SLCO1A2: variants seen among roughly 807,000 people sequenced by gnomAD.
SLCO1A2 encodes OATP-1.
A neutral mutation model predicts 69.0 loss-of-function variants in SLCO1A2; 67 were observed. That is an observed-to-expected ratio of 0.97 (90% CI 0.80 to 1.19). The LOEUF (loss-of-function observed/expected upper bound fraction) is 1.19, where lower values mean the gene tolerates loss of function less well. SLCO1A2 is among the 50% of genes most tolerant of loss of function. The pLI is 0.00. For synonymous variants in SLCO1A2, 260 were observed against 265.9 expected, an observed-to-expected ratio of 0.98 and a Z score of 0.22; for missense variants, 787 against 793.7, an observed-to-expected ratio of 0.99 and a Z score of 0.10.
rs371272831 is a variant in SLCO1A2, at chr12:21,332,392, G to T, written c.60+2196C>A. 9.2e-5 allele frequency among the ~76,000 whole-genome samples: 14 copies of T among 152,174 alleles called. 1 individual carries two copies. The highest frequency in any genetic ancestry group is 3.4e-4 in the African/African-American group (14 of 41,538). ...GTGGAGACCAAGGTTTTATCATGCA[G>T]ATAAAGCCTCTAGATACGCAGGCTT... On this transcript the variant is annotated intron_variant, in intron 2 of 14. Transcript: ENST00000683939.
upstream of SLCO1A2, among the ~76,000 whole-genome samples, chr12:21,398,090 T>A (rs1430613151): frequency 3.6e-5 from 4 of 111,830 alleles, no homozygotes; most frequent in South Asian, 1.2e-3. Context: ...CAGGAGCTGG[T>A]TTTTTGAAAG....
At chr12:21,383,417 C>T (rs1940710021) in intron 1 of SLCO1A2, among the ~76,000 whole-genome samples, 1 of 152,172 alleles carries the variant, frequency 6.6e-6, no homozygotes, top group Non-Finnish European at 1.5e-5. Context: ...TGCCTCATTA[C>T]TGCTTCCCTT....
rs1360097634 is a variant in SLCO1A2 at position 21,267,635 on chromosome 12, A to T, written c.*1913T>A. 2.6e-5 allele frequency: 4 copies of T among 151,922 alleles called. No homozygotes were observed. Among genetic ancestry groups the T allele is most frequent in the African/African-American group, 9.7e-5 (4 of 41,352 alleles). The allele number at this position is 151,922 out of a possible 1,614,324, so 9.4% of individuals were successfully genotyped here. A position where few individuals can be genotyped will look rare whatever the true frequency, so the allele number is the denominator to read the frequency against. On this transcript the variant is annotated 3_prime_UTR_variant, in exon 15 of 15. Transcript: ENST00000683939. ...TAAGTCTAACTTCCATATATATCCT[A>T]TTTGCTTCTTTTTAGCTCAGATTCC...
At chr12:21,357,471 T>C (rs1938465050) in intron 2 of SLCO1A2, among the ~76,000 whole-genome samples, 1 of 152,234 alleles carries the variant, frequency 6.6e-6, no homozygotes, top group South Asian at 2.1e-4. Context: ...TCCAGAACTG[T>C]GAAACTATAA....
chr12:21,327,387 T>G (rs778928790), intron 2 of SLCO1A2, among the ~76,000 whole-genome samples: 12 of 152,096 alleles, frequency 7.9e-5, no homozygotes, highest in Non-Finnish European at 1.8e-4. Flanking sequence ...GGTGGAGCTG[T>G]GAGAAGAGGG....
chr12:21,353,086 A>C (rs1938087242), intron 2 of SLCO1A2, among the ~76,000 whole-genome samples: 1 of 152,188 alleles, frequency 6.6e-6, no homozygotes, highest in Non-Finnish European at 1.5e-5. Context: ...TTCGAATCAG[A>C]ATTCCTTTGA....
At chr12:21,406,666 T>C (rs745640446) in intron 1 of SLCO1A2, among the ~76,000 whole-genome samples, 17 of 152,180 alleles carry the variant, frequency 1.1e-4, no homozygotes, top group Non-Finnish European at 2.2e-4. Context: ...CTTTTACAGA[T>C]AGGACACAGG....
intron 2 of SLCO1A2, among the ~76,000 whole-genome samples, chr12:21,332,819 A>C (rs1418302271): frequency 6.6e-6 from 1 of 152,092 alleles, no homozygotes; most frequent in Non-Finnish European, 1.5e-5. Context: ...CCCACTTCCT[A>C]CTGCCATCAC....
chr12:21,355,448 AG>A (rs1195438839), intron 2 of SLCO1A2, among the ~76,000 whole-genome samples: 4 of 152,226 alleles, frequency 2.6e-5, no homozygotes, highest in African/African-American at 9.6e-5. Context: ...GAGAGCCATG[AG>A]TAATCAATAA....
At chr12:21,398,363 G>A (rs1941555868), upstream of SLCO1A2, among the ~76,000 whole-genome samples, 1 of 130,628 alleles carries the variant, frequency 7.7e-6, no homozygotes, top group African/African-American at 2.8e-5. Flanking sequence ...AACAGGAGCT[G>A]AAATTGTGGC....
At chr12:21,298,425 C>G (rs1948083283) in intron 8 of SLCO1A2, among the ~76,000 whole-genome samples, 1 of 152,100 alleles carries the variant, frequency 6.6e-6, no homozygotes, top group Admixed American at 6.6e-5. Flanking sequence ...TTTTAATTTC[C>G]TTTCACTTTT....
chr12:21,297,983 G>A (rs4148998), intron 8 of SLCO1A2, among the ~76,000 whole-genome samples: 39,956 of 151,964 alleles, frequency 0.26, 7,218 homozygotes, highest in African/African-American at 0.51. Context: ...GAGGAAAATC[G>A]AGTTGATAAA....
chr12:21,400,281 C>T (rs1941644331), upstream of SLCO1A2, among the ~76,000 whole-genome samples: 1 of 152,180 alleles, frequency 6.6e-6, no homozygotes, highest in Admixed American at 6.5e-5. Flanking sequence ...AAAAAATGCT[C>T]ATCATCACTG....
chr12:21,314,606 C>T lies in SLCO1A2; in HGVS notation c.278G>A (p.Cys93Tyr). 1.2e-6 allele frequency: 2 copies of T among 1,613,938 alleles called. No individual in the cohort carries two copies. Among genetic ancestry groups the T allele is most frequent in the Non-Finnish European group, 1.7e-6 (2 of 1,179,830 alleles). The change falls in exon 4 of 15, where the codon TGT (cysteine) becomes TAT (tyrosine). Residue 93 changes from cysteine (C) to tyrosine (Y), a missense_variant. Transcript: ENST00000683939. ...GAAACAGCCTAAGCCCATAACCACACATCCAATGCCAATCATTATAGGTCT... is the reference window on the plus strand; with the variant it reads ...GAAACAGCCTAAGCCCATAACCACATATCCAATGCCAATCATTATAGGTCT... Reference protein sequence around the residue: ...LHRPIMIGIGCVVMGLGCFLK... With the variant: ...LHRPIMIGIGYVVMGLGCFLK...
intron 2 of SLCO1A2, among the ~76,000 whole-genome samples, chr12:21,343,931 G>T (rs986809292): frequency 1.3e-5 from 2 of 152,118 alleles, no homozygotes; most frequent in Non-Finnish European, 2.9e-5. Flanking sequence ...TTGTTATGCA[G>T]AAAGTATGAA....
chr12:21,364,999 C>T lies in SLCO1A2; in HGVS notation c.-63+9400G>A, dbSNP rs370847768. Among the ~76,000 whole-genome samples the T allele has an allele frequency of 5.9e-5, 9 of 152,250 alleles. No individual in the cohort carries two copies. In the East Asian group the frequency reaches 1.5e-3, roughly 26 times the overall value. On this transcript the variant is annotated intron_variant, in intron 2 of 15. Coordinates refer to the SLCO1A2 transcript ENST00000307378. ...AGGTAATTTATAGATTCAATGCCAT[C>T]CCCATCAAGCTACCAATGACTTTCT...
intron 2 of SLCO1A2, among the ~76,000 whole-genome samples, chr12:21,327,845 G>A (rs186291512): frequency 4.5e-4 from 69 of 152,194 alleles, no homozygotes; most frequent in African/African-American, 1.5e-3. Flanking sequence ...CTGTTGCGAA[G>A]GCATGATTGG....
intron 12 of SLCO1A2, among the ~76,000 whole-genome samples, chr12:21,284,108 T>C (rs994802896): frequency 6.6e-6 from 1 of 152,304 alleles, no homozygotes. Context: ...CGAAGAGATA[T>C]CTGCACTCCC....
intron 2 of SLCO1A2, among the ~76,000 whole-genome samples, chr12:21,345,806 T>A (rs1201852295): frequency 2.6e-5 from 4 of 152,074 alleles, no homozygotes; most frequent in Admixed American, 1.3e-4. Context: ...TAAAATTTAG[T>A]ATAAGAAATA....
Sources: allele counts gnomAD v4.1 joint callset (sites outside exome capture counted in the v4.1 genomes callset), GRCh38; gene constraint gnomAD v4.1.1; transcripts MANE v1.5; gene names NCBI Gene and HGNC (gene_info 2026-07-23, HGNC 2026-07-21).